The following PEAK1 variants were observed in gnomAD, a reference collection of about 807,000 sequenced individuals.
PEAK1 encodes the protein inactive tyrosine-protein kinase PEAK1.
Under a neutral mutation model 124.7 loss-of-function variants are expected in PEAK1, and 54 were observed. The ratio of observed to expected loss-of-function variants is 0.43; its 90% confidence interval spans 0.35 to 0.54. The LOEUF (loss-of-function observed/expected upper bound fraction) is 0.54, where lower values mean the gene tolerates loss of function less well. Ranked by LOEUF, PEAK1 falls within the 20% of genes least tolerant of loss-of-function variation. The pLI, the probability that PEAK1 is intolerant of heterozygous loss-of-function variation, is 0.01. For missense variants in PEAK1, 2,046 were observed against 2,134.5 expected (o/e 0.96, Z 0.82); for synonymous variants, 719 against 760.0 (o/e 0.95, Z 0.89).
chr15:77,220,703 G>A (rs186353455), intron 6 of PEAK1, among the ~76,000 whole-genome samples: 14 of 152,058 alleles, frequency 9.2e-5, no homozygotes, highest in Non-Finnish European at 2.1e-4. Flanking sequence ...TTTAAAGGAA[G>A]GCAATGATAT....
chr15:77,349,882 T>C, intron 2 of PEAK1: 5 of 985,252 alleles, frequency 5.1e-6, no homozygotes, highest in Non-Finnish European at 6.0e-6. Context: ...AACAATATGG[T>C]ATCTAAAAAA....
chr15:77,110,510 C>T lies in PEAK1; in HGVS notation c.*3646G>A, dbSNP rs2050922435. 6.6e-6 allele frequency: 1 copy of T among 152,186 alleles called. No homozygotes were observed. The highest frequency in any genetic ancestry group is 2.1e-4 in the South Asian group (1 of 4,824). 9.4% of individuals were successfully genotyped at this position (152,186 alleles called of 1,614,324 possible). ...CTTGGCTTAGACTTTCCCATGTTTA[C>T]AAACTTATTCTGAGTTTGGAAGCAA... On this transcript the variant is annotated 3_prime_UTR_variant, in exon 10 of 10. Coordinates refer to ENST00000682557, the MANE Select transcript of PEAK1 (RefSeq NM_001385026.1).
chr15:77,255,661 T>C (rs947248729), intron 5 of PEAK1: 3 of 152,050 alleles, frequency 2.0e-5, no homozygotes, highest in Non-Finnish European at 4.4e-5. Context: ...AAGAACAACA[T>C]CAACTATACA....
chr15:77,368,066 C>T (rs1248130349), intron 1 of PEAK1, among the ~76,000 whole-genome samples: 1 of 152,032 alleles, frequency 6.6e-6, no homozygotes, highest in Non-Finnish European at 1.5e-5. Context: ...CCTAATCTTC[C>T]TGAAAATAAG....
At position 77,179,670 on chromosome 15, in the gene PEAK1, T is replaced by C; in HGVS notation, c.2257A>G (p.Met753Val). The C allele has an allele frequency of 6.2e-7, 1 of 1,614,094 alleles. No individual in the cohort carries two copies. The highest frequency in any genetic ancestry group is 2.2e-5 in the East Asian group (1 of 44,880). The change falls in exon 7 of 10, where the codon ATG becomes GTG. Residue 753 changes from methionine to valine, a missense_variant. Physicochemically the swap from Met to Val is conservative, Grantham distance 21 (BLOSUM62 1). Coordinates refer to ENST00000682557, the MANE Select transcript of PEAK1 (RefSeq NM_001385026.1). Reference protein sequence around the residue: ...AKIEGTQESQMVGSSSTREKA... With the variant: ...AKIEGTQESQVVGSSSTREKA... ...TCTCTGGTGCTGCTGCTGCCCACCA[T>C]CTGAGACTCCTGAGTGCCTTCTATT... is the stretch of plus-strand genomic sequence containing the variant.
intron 9 of PEAK1, among the ~76,000 whole-genome samples, chr15:77,127,560 A>G (rs1230427902): frequency 1.3e-5 from 2 of 152,202 alleles, no homozygotes; most frequent in Non-Finnish European, 2.9e-5. Flanking sequence ...AGGAAAGGGA[A>G]TCCTTGTCAT....
chr15:77,385,291 T>C (rs1445513387), intron 1 of PEAK1, among the ~76,000 whole-genome samples: 5 of 152,208 alleles, frequency 3.3e-5, no homozygotes, highest in African/African-American at 1.2e-4. Flanking sequence ...CAAAAATGTT[T>C]AGAGGTGGTT....
intron 5 of PEAK1, among the ~76,000 whole-genome samples, chr15:77,270,246 C>G (rs1264562729): frequency 9.2e-5 from 14 of 152,116 alleles, no homozygotes; most frequent in Admixed American, 9.2e-4. Context: ...TCTCACCACT[C>G]CTATTCAACA....
intron 2 of PEAK1, among the ~76,000 whole-genome samples, chr15:77,302,634 T>C (rs1054344921): frequency 1.3e-5 from 2 of 152,172 alleles, no homozygotes; most frequent in African/African-American, 4.8e-5. Flanking sequence ...GTCATACAGA[T>C]GCCACTCATT....
chr15:77,212,704 T>A (rs950311584), intron 6 of PEAK1, among the ~76,000 whole-genome samples: 8 of 152,236 alleles, frequency 5.3e-5, no homozygotes, highest in African/African-American at 1.9e-4. Flanking sequence ...TATACTTGTA[T>A]GTAGGTCATC....
chr15:77,309,279 TTG>T (rs2064289461), intron 2 of PEAK1, among the ~76,000 whole-genome samples: 1 of 152,008 alleles, frequency 6.6e-6, no homozygotes, highest in South Asian at 2.1e-4. Flanking sequence ...GCTTAGGACT[TTG>T]AAGTTCATAG....
chr15:77,266,018 C>T (rs930217325), intron 5 of PEAK1, among the ~76,000 whole-genome samples: 4 of 151,850 alleles, frequency 2.6e-5, no homozygotes, highest in South Asian at 2.1e-4. Context: ...AACCAAACAC[C>T]GCATATTCTC....
intron 5 of PEAK1, among the ~76,000 whole-genome samples, chr15:77,259,166 A>C (rs1417603980): frequency 3.3e-5 from 5 of 152,204 alleles, no homozygotes; most frequent in African/African-American, 1.2e-4. Context: ...ACACTTACCA[A>C]ATTTCTAATA....
At chr15:77,256,297 T>C (rs1470624664) in intron 5 of PEAK1, among the ~76,000 whole-genome samples, 1 of 152,120 alleles carries the variant, frequency 6.6e-6, no homozygotes, top group Non-Finnish European at 1.5e-5. Context: ...TCAGACACTA[T>C]AAATGATTTC....
Position 77,122,532 on chromosome 15 carries a change from T to A in PEAK1, c.4078-7213A>T, listed in dbSNP as rs190369614. Among the ~76,000 whole-genome samples, 114 of 152,322 alleles carry A rather than the reference T, an allele frequency of 7.5e-4. 1 individual carries two copies. The highest frequency in any genetic ancestry group is 7.5e-3 in the Admixed American group (114 of 15,298). ...TTCAATTAACTTGAATTCCAACTTG[T>A]GATTCTCAACTATATCCTCTCACCT... On this transcript the variant is annotated intron_variant, in intron 9 of 9. Coordinates refer to ENST00000682557, the MANE Select transcript of PEAK1 (RefSeq NM_001385026.1).
intron 2 of PEAK1, chr15:77,335,695 T>G: frequency 1.2e-6 from 1 of 848,074 alleles, no homozygotes. Flanking sequence ...TGACCCATGT[T>G]GCCCAGGCTG....
At chr15:77,116,701 A>AACCT (rs2051405580) in intron 9 of PEAK1, among the ~76,000 whole-genome samples, 1 of 145,752 alleles carries the variant, frequency 6.9e-6, no homozygotes, top group Non-Finnish European at 1.5e-5. Flanking sequence ...GAAATCAATC[A>AACCT]ATCTATCTAT....
chr15:77,406,412 GA>G (rs1184551456), intron 1 of PEAK1, among the ~76,000 whole-genome samples: 1 of 152,176 alleles, frequency 6.6e-6, no homozygotes, highest in Admixed American at 6.5e-5. Flanking sequence ...TCCTAGGTCT[GA>G]TAAATGAATT....
chr15:77,333,479 A>T lies in PEAK1; in HGVS notation c.-603+31684T>A, dbSNP rs868076711. 28 of 903,530 alleles carry T rather than the reference A, an allele frequency of 3.1e-5. No homozygotes were observed. The African/African-American group carries it at 4.1e-4, about 13-fold the overall frequency. 56.0% of individuals were successfully genotyped at this position (903,530 alleles called of 1,614,324 possible). ...CAACTATATAAGCTTATCTAAGAAT[A>T]AATATTTTCTTAAACATTAAAAATA... On this transcript the variant is annotated intron_variant, in intron 2 of 9. Transcript: ENST00000682557.
Sources: gnomAD v4.1 joint callset for allele counts (sites outside exome capture counted in the v4.1 genomes callset) on GRCh38, gnomAD v4.1.1 for gene constraint, MANE v1.5 for transcripts, NCBI Gene and HGNC (gene_info 2026-07-23, HGNC 2026-07-21) for gene names.